ADGRB3: variants seen among roughly 807,000 people sequenced by gnomAD.
ADGRB3 encodes the protein brain-specific angiogenesis inhibitor 3.
Under a neutral mutation model 193.4 loss-of-function variants are expected in ADGRB3, and 37 were observed. That is an observed-to-expected ratio of 0.19 (90% CI 0.15 to 0.25). ADGRB3 has a LOEUF of 0.25. Among genes scored for constraint, ADGRB3 ranks in the 10% least tolerant of loss-of-function variants. ADGRB3 has a pLI of 1.00. For missense variants in ADGRB3, 1,637 were observed against 1,852.9 expected, an observed-to-expected ratio of 0.88 and a Z score of 2.14; for synonymous variants, 690 against 644.2, an observed-to-expected ratio of 1.07 and a Z score of -1.08.
At chr6:68,937,088 G>C (rs530281760) in intron 5 of ADGRB3, among the ~76,000 whole-genome samples, 1 of 152,284 alleles carries the variant, frequency 6.6e-6, no homozygotes, top group South Asian at 2.1e-4. Context: ...GCAGTCAGCA[G>C]TTTTTCTATC....
At chr6:68,659,748 TAAG>T (rs1768580142) in intron 3 of ADGRB3, among the ~76,000 whole-genome samples, 1 of 151,092 alleles carries the variant, frequency 6.6e-6, no homozygotes, top group Admixed American at 6.6e-5. Flanking sequence ...TTTAACAGAT[TAAG>T]AAGAAGAATT....
intron 17 of ADGRB3, among the ~76,000 whole-genome samples, chr6:69,133,154 C>A (rs543025485): frequency 6.6e-6 from 1 of 152,040 alleles, no homozygotes; most frequent in South Asian, 2.1e-4. Context: ...TTTTCTAATT[C>A]TGTGAAGAAA....
At chr6:69,305,072 A>G (rs1768036712) in intron 20 of ADGRB3, among the ~76,000 whole-genome samples, 1 of 151,542 alleles carries the variant, frequency 6.6e-6, no homozygotes, top group Non-Finnish European at 1.5e-5. Context: ...TCCCCTATAT[A>G]TAGTAATAAT....
At chr6:68,970,909 G>A (rs1258606997) in intron 8 of ADGRB3, among the ~76,000 whole-genome samples, 2 of 152,168 alleles carry the variant, frequency 1.3e-5, no homozygotes, top group Admixed American at 6.5e-5. Context: ...TTTTAGTTAC[G>A]GGAACAAGAT....
At chr6:68,838,064 T>C (rs186887391) in intron 3 of ADGRB3, among the ~76,000 whole-genome samples, 248 of 152,266 alleles carry the variant, frequency 1.6e-3, no homozygotes, top group African/African-American at 4.7e-3. Flanking sequence ...AGAAAAAATG[T>C]ACAGGAAAAT....
At chr6:68,740,671 G>A (rs1290930488) in intron 3 of ADGRB3, among the ~76,000 whole-genome samples, 34 of 152,088 alleles carry the variant, frequency 2.2e-4, no homozygotes, top group African/African-American at 2.4e-5. Flanking sequence ...TATAATATAT[G>A]CATGCAATGG....
rs548574429 is a variant in ADGRB3, at chr6:69,000,011, T to G, written c.1929+6049T>G. On this transcript the variant is annotated intron_variant, in intron 11 of 31. Coordinates refer to ENST00000370598, the MANE Select transcript of ADGRB3 (RefSeq NM_001704.3). ...TACTTTTTTTTCACCACTGAAATAA[T>G]TCATTCTGAATCTTATTCTATCAGT... 5.3e-5 allele frequency among the ~76,000 whole-genome samples: 8 copies of G among 152,272 alleles called. No individual in the cohort carries two copies. In the South Asian group the frequency reaches 8.3e-4, roughly 16 times the overall value.
chr6:68,744,918 T>C (rs2127343955), intron 3 of ADGRB3, among the ~76,000 whole-genome samples: 1 of 152,052 alleles, frequency 6.6e-6, no homozygotes, highest in South Asian at 2.1e-4. Flanking sequence ...AAGAGAAATA[T>C]AAAAAGAACC....
intron 3 of ADGRB3, among the ~76,000 whole-genome samples, chr6:68,874,912 A>C (rs1223054165): frequency 1.3e-5 from 2 of 152,192 alleles, no homozygotes; most frequent in Non-Finnish European, 2.9e-5. Context: ...AGAGTGCTCT[A>C]GTAGTAGGGC....
chr6:68,728,903 A>G (rs1765722231), intron 3 of ADGRB3, among the ~76,000 whole-genome samples: 1 of 151,514 alleles, frequency 6.6e-6, no homozygotes, highest in Non-Finnish European at 1.5e-5. Flanking sequence ...CAGACTGTAT[A>G]TTTATCAGAA....
intron 20 of ADGRB3, among the ~76,000 whole-genome samples, chr6:69,305,108 G>C (rs1231572000): frequency 6.6e-6 from 1 of 151,510 alleles, no homozygotes; most frequent in South Asian, 2.1e-4. Flanking sequence ...TTCCTAGAAG[G>C]ACTATTGTGA....
At chr6:69,339,625 C>G (rs1476369167) in intron 26 of ADGRB3, 121 bp downstream of exon 26, 1 of 1,205,488 alleles carries the variant, frequency 8.3e-7, no homozygotes, top group Non-Finnish European at 1.2e-6. Flanking sequence ...TTGACAATCA[C>G]TTGGGAATCA....
At chr6:69,158,754 C>A (rs1774912123) in intron 17 of ADGRB3, among the ~76,000 whole-genome samples, 2 of 151,922 alleles carry the variant, frequency 1.3e-5, no homozygotes, top group South Asian at 4.1e-4. Context: ...TCATTTGCCT[C>A]CACTCAGCTG....
At position 68,972,294 on chromosome 6, in the gene ADGRB3, C is replaced by G. The variant is rs1013461652; in HGVS notation, c.1526-2469C>G. Among the ~76,000 whole-genome samples the G allele has an allele frequency of 5.3e-5, 8 of 152,210 alleles. No homozygotes were observed. The South Asian group carries it at 8.3e-4, about 16-fold the overall frequency. ...CTACTCATCACCACCATTCCCAAGCCAAACTGTGACAAATCCAGTTCTTGT... is the reference window on the plus strand; with the variant it reads ...CTACTCATCACCACCATTCCCAAGCGAAACTGTGACAAATCCAGTTCTTGT... On this transcript the variant is annotated intron_variant, in intron 8 of 31. Coordinates refer to ENST00000370598, the MANE Select transcript of ADGRB3 (RefSeq NM_001704.3).
rs574818336 is a variant in ADGRB3 at position 69,282,377 on chromosome 6, C to T, written c.2815-42495C>T. On this transcript the variant is annotated intron_variant, in intron 20 of 31. Coordinates refer to ENST00000370598, the MANE Select transcript of ADGRB3 (RefSeq NM_001704.3). ...AAAAATGCCCCAACCTATGTATAGC[C>T]ACCAGTTCATAAAAATATTTTTTTA... Among the ~76,000 whole-genome samples, 3 of 152,116 alleles carry T rather than the reference C, an allele frequency of 2.0e-5. No homozygotes were observed. The East Asian group carries it at 5.8e-4, about 29-fold the overall frequency.
At chr6:69,021,509 T>C (rs1341398309) in intron 13 of ADGRB3, among the ~76,000 whole-genome samples, 1 of 151,920 alleles carries the variant, frequency 6.6e-6, no homozygotes. Flanking sequence ...AGCAGTGCTA[T>C]TAGAGGCACA....
intron 17 of ADGRB3, among the ~76,000 whole-genome samples, chr6:69,153,763 G>A (rs1473085152): frequency 6.6e-6 from 1 of 152,158 alleles, no homozygotes; most frequent in African/African-American, 2.4e-5. Context: ...GGAGGCCAAG[G>A]CGGGCGGATC....
chr6:68,834,302 A>G (rs934913250), intron 3 of ADGRB3, among the ~76,000 whole-genome samples: 3 of 152,128 alleles, frequency 2.0e-5, no homozygotes, highest in African/African-American at 7.2e-5. Context: ...GCAAGAGTGT[A>G]TGTGTGGATC....
At chr6:69,205,218 T>G (rs1765510891) in intron 17 of ADGRB3, among the ~76,000 whole-genome samples, 1 of 152,124 alleles carries the variant, frequency 6.6e-6, no homozygotes, top group Admixed American at 6.6e-5. Flanking sequence ...ACATTTTATT[T>G]AACTCAATTC....
Sources: gnomAD v4.1 joint callset for allele counts (sites outside exome capture counted in the v4.1 genomes callset) on GRCh38, gnomAD v4.1.1 for gene constraint, MANE v1.5 for transcripts, NCBI Gene and HGNC (gene_info 2026-07-23, HGNC 2026-07-21) for gene names.